Variants in KIF26B observed in about 807,000 individuals in gnomAD.
The protein encoded by KIF26B is kinesin-like protein KIF26B.
KIF26B carries 63 observed loss-of-function variants against 151.2 expected under a neutral mutation model. The ratio of observed to expected loss-of-function variants is 0.42; its 90% CI spans 0.34 to 0.51. KIF26B has a LOEUF of 0.51. Ranked by LOEUF, KIF26B falls within the 20% of genes least tolerant of loss-of-function variation. The pLI, the probability that KIF26B is intolerant of heterozygous loss-of-function variation, is 0.07. For missense variants in KIF26B, 2,813 were observed against 2,913.6 expected, an observed-to-expected ratio of 0.97 and a Z score of 0.79; for synonymous variants, 1,357 against 1,262.1, an observed-to-expected ratio of 1.08 and a Z score of -1.59.
chr1:245,697,996 C>A, intron 12 of KIF26B, 110 bp from the exon 13 acceptor site: 2 of 936,758 alleles, frequency 2.1e-6, no homozygotes, highest in South Asian at 3.5e-5. Context: ...AGCTATGGAT[C>A]GCACCACTGC....
chr1:245,572,322 C>T lies in KIF26B; in HGVS notation c.1351-30255C>T, dbSNP rs2043073488. 6.6e-6 allele frequency among the ~76,000 whole-genome samples: 1 copy of T among 152,170 alleles called. No homozygotes were observed. Among genetic ancestry groups the T allele is most frequent in the Non-Finnish European group, 1.5e-5 (1 of 68,032 alleles). On this transcript the variant is annotated intron_variant, in intron 5 of 14. Coordinates refer to ENST00000407071, the MANE Select transcript of KIF26B (RefSeq NM_018012.4). This position sits in a 1 kb window ranked among gnomAD's most constrained non-coding sequence, Gnocchi z 4.2. ...GGTAGACGTGCTTTTGTGTTTCCGA[C>T]ACTGAGGACATTGAGGTTCTGGGGG...
chr1:245,279,051 A>T (rs1350159483), intron 2 of KIF26B, among the ~76,000 whole-genome samples: 1 of 152,160 alleles, frequency 6.6e-6, no homozygotes, highest in Non-Finnish European at 1.5e-5. Context: ...AGCCTCTGTC[A>T]TGCTTACGGA....
chr1:245,622,433 T>G (rs1228479113), intron 9 of KIF26B, among the ~76,000 whole-genome samples: 1 of 152,230 alleles, frequency 6.6e-6, no homozygotes, highest in East Asian at 1.9e-4. Context: ...CCGAATATTT[T>G]CATCCTACAG....
intron 3 of KIF26B, among the ~76,000 whole-genome samples, chr1:245,395,978 C>G (rs567048504): frequency 6.6e-6 from 1 of 152,174 alleles, no homozygotes; most frequent in Non-Finnish European, 1.5e-5. Context: ...GTAAAAAATT[C>G]ACAACTGTGG....
chr1:245,470,895 A>G (rs1659899059), intron 4 of KIF26B, among the ~76,000 whole-genome samples: 1 of 151,966 alleles, frequency 6.6e-6, no homozygotes, highest in South Asian at 2.1e-4. Context: ...CATCAATTTC[A>G]TATTCTCTCT....
In KIF26B at chr1:245,686,254, G is replaced by C. The variant is rs1341900610; in HGVS notation, c.3271G>C (p.Val1091Leu). The C allele has an allele frequency of 9.9e-6, 16 of 1,612,690 alleles. No individual in the cohort carries two copies. The highest frequency in any genetic ancestry group is 1.3e-5 in the Non-Finnish European group (15 of 1,179,900). Residue 1091 changes from valine to leucine, a missense_variant, in exon 12 of 15, where the codon GTC (valine) becomes CTC (leucine). This residue lies in a region of KIF26B where 2,060 missense variants were observed against 2,088.6 expected (regional missense o/e 0.99). Coordinates refer to ENST00000407071, the MANE Select transcript of KIF26B (RefSeq NM_018012.4). The surrounding 1 kb of genome is among the most constrained non-coding windows in gnomAD (Gnocchi z 5.6). Reference sequence around the variant, plus strand: ...CAGCTCTCCTTCCCAGAGATGCAAAGTCTACACCCAGAAGGGGGTCCTGCC... The same window carrying C: ...CAGCTCTCCTTCCCAGAGATGCAAACTCTACACCCAGAAGGGGGTCCTGCC... ...PPSSPSQRCKVYTQKGVLPSP... is the reference protein window; with the variant it reads ...PPSSPSQRCKLYTQKGVLPSP...
intron 2 of KIF26B, among the ~76,000 whole-genome samples, chr1:245,288,208 AG>A: frequency 6.6e-6 from 1 of 152,194 alleles, no homozygotes; most frequent in South Asian, 2.1e-4. Context: ...TTCCATTCGG[AG>A]CATCGTAATC....
At chr1:245,511,182 ATT>A in intron 4 of KIF26B, 3 of 595,252 alleles carry the variant, frequency 5.0e-6, no homozygotes, top group Admixed American at 2.8e-5. Flanking sequence ...TTTTCTTGCT[ATT>A]TTTTTTTTAC....
At chr1:245,664,437 C>T (rs956404434) in intron 10 of KIF26B, among the ~76,000 whole-genome samples, 1 of 151,658 alleles carries the variant, frequency 6.6e-6, no homozygotes, top group Non-Finnish European at 1.5e-5. Flanking sequence ...TCATATTGCT[C>T]CTTTGCTTTT....
chr1:245,404,595 T>C (rs117439476), intron 3 of KIF26B, among the ~76,000 whole-genome samples: 1 of 152,190 alleles, frequency 6.6e-6, no homozygotes, highest in East Asian at 1.9e-4. Flanking sequence ...GCATGCAGAA[T>C]AGAAGAGAAA....
Position 245,687,154 on chromosome 1 carries a change from A to G in KIF26B, c.4171A>G (p.Ile1391Val), listed in dbSNP as rs143129139. 56 of 1,613,224 alleles carry G rather than the reference A, an allele frequency of 3.5e-5. 1 individual carries two copies. The East Asian group carries it at 1.2e-3, about 35-fold the overall frequency. ...CEGYIPMKTN[I>V]TVYPCIAMSP... ...GGGGTACATCCCCATGAAGACCAAT[A>G]TCACAGTTTACCCCTGCATTGCCAT... The change falls in exon 12 of 15, where the codon ATC becomes GTC. Residue 1391 changes from isoleucine (I) to valine (V), a missense_variant. Transcript: ENST00000407071. The surrounding 1 kb of genome is among the most constrained non-coding windows in gnomAD (Gnocchi z 4.9).
At chr1:245,185,335 C>T (rs978716335) in intron 2 of KIF26B, among the ~76,000 whole-genome samples, 16 of 151,992 alleles carry the variant, frequency 1.1e-4, no homozygotes, top group South Asian at 2.1e-4. Context: ...GATGGGGTTT[C>T]GCCATGTTGG....
chr1:245,161,488 G>A (rs905067700), intron 2 of KIF26B, among the ~76,000 whole-genome samples: 3 of 152,210 alleles, frequency 2.0e-5, no homozygotes, highest in Non-Finnish European at 4.4e-5. Context: ...CAATTAAAAT[G>A]GAGGCAACAT....
chr1:245,511,932 T>C (rs1021058274), intron 4 of KIF26B, among the ~76,000 whole-genome samples: 1 of 152,198 alleles, frequency 6.6e-6, no homozygotes, highest in Non-Finnish European at 1.5e-5. Context: ...AAAAATATGA[T>C]CTGCCTTTTC....
At chr1:245,197,550 CT>C (rs1669217707) in intron 2 of KIF26B, among the ~76,000 whole-genome samples, 1 of 151,964 alleles carries the variant, frequency 6.6e-6, no homozygotes. Flanking sequence ...AACGATGGGG[CT>C]GTGTAAGTTA....
At chr1:245,485,811 G>A (rs1343647369) in intron 4 of KIF26B, among the ~76,000 whole-genome samples, 1 of 152,200 alleles carries the variant, frequency 6.6e-6, no homozygotes, top group Non-Finnish European at 1.5e-5. Context: ...GCTTTCAGAG[G>A]GCACACGGTG....
intron 5 of KIF26B, among the ~76,000 whole-genome samples, chr1:245,580,282 T>C (rs6663746): frequency 0.41 from 61,580 of 152,038 alleles, 13,026 homozygotes; most frequent in African/African-American, 0.52. Context: ...TGAGACTCTC[T>C]TCTGTCCTCC....
At chr1:245,536,596 G>A (rs1047203922) in intron 4 of KIF26B, among the ~76,000 whole-genome samples, 2 of 152,172 alleles carry the variant, frequency 1.3e-5, no homozygotes, top group African/African-American at 4.8e-5. Context: ...CCAAAACTTA[G>A]TGGCTAAAAG....
Position 245,241,712 on chromosome 1 carries a change from T to C in KIF26B, c.465+85029T>C, listed in dbSNP as rs1670213217. Among the ~76,000 whole-genome samples the C allele has an allele frequency of 6.6e-6, 1 of 152,206 alleles. No individual in the cohort carries two copies. The highest frequency in any genetic ancestry group is 2.4e-5 in the African/African-American group (1 of 41,464). On this transcript the variant is annotated intron_variant, in intron 2 of 14. Transcript: ENST00000407071. This position sits in a 1 kb window ranked among gnomAD's most constrained non-coding sequence, Gnocchi z 5.0. ...CGGACACAGCCCCGTCCAGGGCCCATGGCAGCCCCAGCTGGCTGCCCGCTC... is the reference window on the plus strand; with the variant it reads ...CGGACACAGCCCCGTCCAGGGCCCACGGCAGCCCCAGCTGGCTGCCCGCTC...
Sources: gnomAD v4.1 joint callset for allele counts (sites outside exome capture counted in the v4.1 genomes callset) on GRCh38, gnomAD v4.1.1 for gene constraint, gnomAD v4.1.1 regional missense constraint, Gnocchi (gnomAD v3.1) non-coding constraint, MANE v1.5 for transcripts, NCBI Gene and HGNC (gene_info 2026-07-23, HGNC 2026-07-21) for gene names.